SPRED2: variants seen among roughly 807,000 people sequenced by gnomAD.
SPRED2 encodes the protein sprouty-related, EVH1 domain-containing protein 2.
A neutral mutation model predicts 43.0 loss-of-function variants in SPRED2; 47 were observed. That is an observed-to-expected ratio of 1.09 (90% CI 0.87 to 1.40). The LOEUF (loss-of-function observed/expected upper bound fraction) is 1.40, where lower values mean the gene tolerates loss of function less well. Among genes scored for constraint, SPRED2 ranks in the 40% most tolerant of loss-of-function variants. The pLI is 0.00. For synonymous variants in SPRED2, 225 were observed against 225.7 expected (o/e 1.00, Z 0.03); for missense variants, 561 against 586.4 (o/e 0.96, Z 0.45).
chr2:65,369,058 G>A (rs758394071), intron 1 of SPRED2, among the ~76,000 whole-genome samples: 35 of 150,598 alleles, frequency 2.3e-4, no homozygotes, highest in South Asian at 4.4e-4. Context: ...CTGGGTGATG[G>A]AGCAAAAGAC....
intron 1 of SPRED2, among the ~76,000 whole-genome samples, chr2:65,347,771 C>G (rs944554803): frequency 1.3e-5 from 2 of 152,116 alleles, no homozygotes; most frequent in Non-Finnish European, 2.9e-5. Flanking sequence ...GCATCGAATA[C>G]GTATCACAAT....
intron 1 of SPRED2, among the ~76,000 whole-genome samples, chr2:65,362,850 C>T (rs1229106905): frequency 1.7e-5 from 2 of 119,346 alleles, no homozygotes; most frequent in Admixed American, 9.1e-5. Context: ...AAGAGTGAAA[C>T]TCCATTTCAA....
At chr2:65,397,312 C>T (rs931770194) in intron 1 of SPRED2, among the ~76,000 whole-genome samples, 6 of 152,162 alleles carry the variant, frequency 3.9e-5, no homozygotes, top group South Asian at 2.1e-4. Flanking sequence ...CCACAGACAG[C>T]GCCAAGTAAT....
intron 1 of SPRED2, among the ~76,000 whole-genome samples, chr2:65,405,620 A>C (rs1676006655): frequency 6.6e-6 from 1 of 152,198 alleles, no homozygotes. Context: ...CCAGAAGATT[A>C]ATCAGCACCA....
intron 1 of SPRED2, among the ~76,000 whole-genome samples, chr2:65,399,251 A>G (rs575652193): frequency 2.5e-4 from 38 of 150,796 alleles, no homozygotes; most frequent in African/African-American, 9.1e-4. Flanking sequence ...CCTGGTCAAC[A>G]AGAGCGAAAA....
intron 1 of SPRED2, among the ~76,000 whole-genome samples, chr2:65,356,237 T>A (rs1553420926): frequency 6.6e-6 from 1 of 152,140 alleles, no homozygotes; most frequent in Non-Finnish European, 1.5e-5. Flanking sequence ...GAAATGCATT[T>A]AAAAAAACAT....
chr2:65,398,494 C>G lies in SPRED2; in HGVS notation c.26+33468G>C, dbSNP rs112480854. 2.4e-3 allele frequency among the ~76,000 whole-genome samples: 360 copies of G among 152,018 alleles called. 4 individuals carry two copies. Among genetic ancestry groups the G allele is most frequent in the African/African-American group, 8.5e-3 (353 of 41,436 alleles). On this transcript the variant is annotated intron_variant, in intron 1 of 5. Coordinates refer to ENST00000356388, the MANE Select transcript of SPRED2 (RefSeq NM_181784.3). ...CACAATCTATACATCCAACAGAGGA[C>G]TAATATCCAGAATCTATAAGAACTC...
At chr2:65,338,776 G>T (rs1408133906) in intron 2 of SPRED2, among the ~76,000 whole-genome samples, 1 of 151,600 alleles carries the variant, frequency 6.6e-6, no homozygotes, top group Non-Finnish European at 1.5e-5. Flanking sequence ...GGGATGTGAG[G>T]AGCCCCTCTG....
intron 2 of SPRED2, among the ~76,000 whole-genome samples, chr2:65,340,493 A>G (rs1183908758): frequency 6.6e-6 from 1 of 152,256 alleles, no homozygotes; most frequent in Non-Finnish European, 1.5e-5. Context: ...TCAAACTCTT[A>G]GATTTTGTGA....
At chr2:65,340,652 C>A (rs1360555763) in intron 2 of SPRED2, among the ~76,000 whole-genome samples, 1 of 152,204 alleles carries the variant, frequency 6.6e-6, no homozygotes, top group African/African-American at 2.4e-5. Context: ...AATTACCTGA[C>A]TACTCGTGAA....
intron 1 of SPRED2, among the ~76,000 whole-genome samples, chr2:65,377,350 G>T (rs1675265129): frequency 6.6e-6 from 1 of 152,174 alleles, no homozygotes; most frequent in Non-Finnish European, 1.5e-5. Context: ...ATTTAGATTT[G>T]TTGGGTCAGG....
At chr2:65,333,423 C>T (rs890205855) in intron 3 of SPRED2, among the ~76,000 whole-genome samples, 2 of 151,820 alleles carry the variant, frequency 1.3e-5, no homozygotes, top group East Asian at 1.9e-4. Context: ...ACTGGTCTTT[C>T]GGGAGCTGTC....
At chr2:65,418,041 A>G (rs893858495) in intron 1 of SPRED2, among the ~76,000 whole-genome samples, 2 of 152,190 alleles carry the variant, frequency 1.3e-5, no homozygotes, top group Non-Finnish European at 2.9e-5. Flanking sequence ...TCTTCACAAT[A>G]TATGTTTCTA....
Position 65,363,000 on chromosome 2 carries a change from G to GTTTT in SPRED2, c.27-18108_27-18105dup, listed in dbSNP as rs759784526. On this transcript the variant is annotated intron_variant, in intron 1 of 5. Transcript: ENST00000356388. Reference sequence around the variant, plus strand: ...CACTTGCTTTCTCTATGGTCATCATGTTTTGTTTTTTTTTTTTTTTTTTTT... The same window carrying GTTTT: ...CACTTGCTTTCTCTATGGTCATCATGTTTTTTTTGTTTTTTTTTTTTTTTTTTTT... Among the ~76,000 whole-genome samples the GTTTT allele has an allele frequency of 6.4e-3, 427 of 66,792 alleles. 19 individuals carry two copies. Among genetic ancestry groups the GTTTT allele is most frequent in the African/African-American group, 0.028 (400 of 14,146 alleles). 43.8% of individuals were successfully genotyped at this position (66,792 alleles called of 152,430 possible).
At chr2:65,333,040 G>A (rs563393329) in intron 3 of SPRED2, among the ~76,000 whole-genome samples, 32 of 152,106 alleles carry the variant, frequency 2.1e-4, no homozygotes, top group African/African-American at 6.7e-4. Flanking sequence ...GGCTGAGGCC[G>A]GCAGATCACG....
intron 5 of SPRED2, among the ~76,000 whole-genome samples, chr2:65,316,417 T>C (rs939785493): frequency 6.6e-6 from 1 of 152,194 alleles, no homozygotes; most frequent in Non-Finnish European, 1.5e-5. Flanking sequence ...TCTCGTTCCA[T>C]CAGATACTCC....
At chr2:65,387,548 T>C (rs1182571677) in intron 1 of SPRED2, among the ~76,000 whole-genome samples, 1 of 152,192 alleles carries the variant, frequency 6.6e-6, no homozygotes, top group Non-Finnish European at 1.5e-5. Context: ...CACTTCTAAA[T>C]TATTTTGGAA....
chr2:65,397,396 T>C (rs1024165898), intron 1 of SPRED2, among the ~76,000 whole-genome samples: 2 of 152,072 alleles, frequency 1.3e-5, no homozygotes, highest in Non-Finnish European at 2.9e-5. Flanking sequence ...CCAGAATGGG[T>C]TGTGGCTTAT....
Position 65,432,201 on chromosome 2 carries a change from A to C in SPRED2, c.-214T>G. On this transcript the variant is annotated 5_prime_UTR_variant, in exon 1 of 6. Transcript: ENST00000356388. ...CAAAGGCAGGCTGCGCGGGGAGTGAACGCCGCAGCGCCGTGGGGAGAGGCG... is the reference window on the plus strand; with the variant it reads ...CAAAGGCAGGCTGCGCGGGGAGTGACCGCCGCAGCGCCGTGGGGAGAGGCG... 3 of 586,606 alleles carry C rather than the reference A, an allele frequency of 5.1e-6. No individual in the cohort carries two copies. The highest frequency in any genetic ancestry group is 3.1e-5 in the East Asian group (1 of 32,760). The allele number at this position is 586,606 out of a possible 1,614,324, so 36.3% of individuals were successfully genotyped here.
Sources: allele counts gnomAD v4.1 joint callset (sites outside exome capture counted in the v4.1 genomes callset), GRCh38; gene constraint gnomAD v4.1.1; transcripts MANE v1.5; gene names NCBI Gene and HGNC (gene_info 2026-07-23, HGNC 2026-07-21).